PHACTR2: variants seen among roughly 807,000 people sequenced by gnomAD.
PHACTR2 encodes the protein chromosome 6 open reading frame 56.
In PHACTR2, 30 loss-of-function variants were observed where a neutral mutation model predicts 76.0. The ratio of observed to expected loss-of-function variants is 0.39; its 90% confidence interval spans 0.30 to 0.54. PHACTR2 has a LOEUF of 0.54. Ranked by LOEUF, PHACTR2 falls within the 20% of genes least tolerant of loss-of-function variation. PHACTR2 has a pLI of 0.61. For missense variants in PHACTR2, 696 were observed against 781.1 expected (o/e 0.89, Z 1.30); for synonymous variants, 292 against 292.5 (o/e 1.00, Z 0.02).
rs1776306490 is a variant in PHACTR2 at position 143,816,863 on chromosome 6, C to T, written c.1923-6811C>T. 6.6e-6 allele frequency among the ~76,000 whole-genome samples: 1 copy of T among 151,998 alleles called. No homozygotes were observed. The highest frequency in any genetic ancestry group is 1.5e-5 in the Non-Finnish European group (1 of 68,012). On this transcript the variant is annotated intron_variant, in intron 12 of 12. Transcript: ENST00000440869. The surrounding 1 kb of genome is among the most constrained non-coding windows in gnomAD (Gnocchi z 4.5). The stretch of plus-strand genomic sequence containing the variant: ...GGAGGATCGCTTGAGGCCAGGAGTT[C>T]AAGACCAGCCTGGTCAACATGGCAC...
At chr6:143,642,296 C>T (rs1012154041) in intron 1 of PHACTR2, among the ~76,000 whole-genome samples, 2 of 152,238 alleles carry the variant, frequency 1.3e-5, no homozygotes, top group East Asian at 1.9e-4. Context: ...TTGTCTGCAT[C>T]GCAAGCAGGC....
intron 1 of PHACTR2, among the ~76,000 whole-genome samples, chr6:143,643,634 A>G (rs1776604991): frequency 6.6e-6 from 1 of 152,252 alleles, no homozygotes; most frequent in African/African-American, 2.4e-5. Flanking sequence ...AGTGAACAGA[A>G]GTAAAACAAA....
chr6:143,537,877 C>A lies in PHACTR2; in HGVS notation c.217+670C>A, dbSNP rs9403501. Among the ~76,000 whole-genome samples the A allele has an allele frequency of 0.18, 27,780 of 152,108 alleles. 2,565 individuals are homozygous for A. The highest frequency in any genetic ancestry group is 0.21 in the Non-Finnish European group (14,123 of 67,936). Reference sequence around the variant, plus strand: ...TTCCAGAGCTTTGGGAGGCCCAAGGCCGGCCGATCACTTGAGGTCAAAAGT... The same window carrying A: ...TTCCAGAGCTTTGGGAGGCCCAAGGACGGCCGATCACTTGAGGTCAAAAGT... On this transcript the variant is annotated intron_variant, in intron 1 of 11. Transcript: ENST00000367584. The surrounding 1 kb of genome is among the most constrained non-coding windows in gnomAD (Gnocchi z 4.4).
At position 143,621,575 on chromosome 6, in the gene PHACTR2, A is replaced by T. The variant is rs1221802537; in HGVS notation, c.13+13253A>T. Among the ~76,000 whole-genome samples, 1 of 152,184 alleles carries T rather than the reference A, an allele frequency of 6.6e-6. No individual in the cohort carries two copies. Among genetic ancestry groups the T allele is most frequent in the Non-Finnish European group, 1.5e-5 (1 of 68,024 alleles). On this transcript the variant is annotated intron_variant, in intron 1 of 11. Transcript: ENST00000305766. This position sits in a 1 kb window ranked among gnomAD's most constrained non-coding sequence, Gnocchi z 4.1. ...GCTTTCTCAAATTGAACATACCCCA[A>T]CCCTTGAATAGTGTGGGATTGTGCA...
intron 2 of PHACTR2, among the ~76,000 whole-genome samples, chr6:143,718,347 G>T (rs1198214512): frequency 6.6e-6 from 1 of 152,192 alleles, no homozygotes; most frequent in African/African-American, 2.4e-5. Context: ...TACTGATGAG[G>T]AGACTGGGGC....
At position 143,613,070 on chromosome 6, in the gene PHACTR2, A is replaced by G. The variant is rs556774834; in HGVS notation, c.13+4748A>G. Among the ~76,000 whole-genome samples, 11 of 152,234 alleles carry G rather than the reference A, an allele frequency of 7.2e-5. No individual in the cohort carries two copies. In the East Asian group the frequency reaches 1.5e-3, roughly 21 times the overall value. ...CGGCTCACTGCAAGCTCCGCCTCCCAGGTTCACGCCATTCCCTGGCCTCAG... is the reference window on the plus strand; with the variant it reads ...CGGCTCACTGCAAGCTCCGCCTCCCGGGTTCACGCCATTCCCTGGCCTCAG... On this transcript the variant is annotated intron_variant, in intron 1 of 11. Transcript: ENST00000305766.
At chr6:143,704,107 G>GTGTC (rs1356666780) in intron 1 of PHACTR2, among the ~76,000 whole-genome samples, 1 of 151,570 alleles carries the variant, frequency 6.6e-6, no homozygotes, top group Non-Finnish European at 1.5e-5. Flanking sequence ...GTGTGTGTGT[G>GTGTC]TGTGTGTGTG....
intron 5 of PHACTR2, among the ~76,000 whole-genome samples, chr6:143,762,245 C>T (rs1038118251): frequency 2.0e-5 from 3 of 152,214 alleles, no homozygotes; most frequent in Non-Finnish European, 4.4e-5. Context: ...TCCCATTCTC[C>T]ACGTGGTAGT....
chr6:143,607,822 A>G (rs369917074), upstream of PHACTR2, among the ~76,000 whole-genome samples: 7 of 152,264 alleles, frequency 4.6e-5, no homozygotes, highest in Admixed American at 2.0e-4. Context: ...AGTGAGGTCA[A>G]TGATAAAGGC....
At chr6:143,575,059 T>C (rs1582680281) in intron 1 of PHACTR2, among the ~76,000 whole-genome samples, 1 of 152,344 alleles carries the variant, frequency 6.6e-6, no homozygotes, top group East Asian at 1.9e-4. Context: ...TGGAACATAA[T>C]TAAGAGATGA....
chr6:143,552,017 C>A (rs557393556), intron 1 of PHACTR2, among the ~76,000 whole-genome samples: 1 of 152,184 alleles, frequency 6.6e-6, no homozygotes, highest in African/African-American at 2.4e-5. Flanking sequence ...TAAACTTTAA[C>A]TTTTCATGTG....
intron 1 of PHACTR2, among the ~76,000 whole-genome samples, chr6:143,706,503 ACT>A (rs1778057411): frequency 6.6e-6 from 1 of 151,756 alleles, no homozygotes; most frequent in Non-Finnish European, 1.5e-5. Context: ...TTCTAGCTTT[ACT>A]CTCTCGCTTA....
At position 143,619,774 on chromosome 6, in the gene PHACTR2, A is replaced by G. The variant is rs1326223467; in HGVS notation, c.13+11452A>G. Among the ~76,000 whole-genome samples the G allele has an allele frequency of 1.3e-5, 2 of 152,224 alleles. No individual in the cohort carries two copies. Among genetic ancestry groups the G allele is most frequent in the Non-Finnish European group, 2.9e-5 (2 of 68,044 alleles). On this transcript the variant is annotated intron_variant, in intron 1 of 11. Coordinates refer to the PHACTR2 transcript ENST00000305766. This position sits in a 1 kb window ranked among gnomAD's most constrained non-coding sequence, Gnocchi z 4.5. ...TTTGGCAACCCTCCATTTTTAAAGC[A>G]GCTTGACTTGGGGCATTTTTAATAA...
At chr6:143,604,695 A>C (rs944533653), upstream of PHACTR2, among the ~76,000 whole-genome samples, 1 of 152,130 alleles carries the variant, frequency 6.6e-6, no homozygotes, top group Non-Finnish European at 1.5e-5. Flanking sequence ...CAGCCTGATC[A>C]ACATGGTGAA....
At chr6:143,729,383 C>T (rs1778652236) in intron 2 of PHACTR2, among the ~76,000 whole-genome samples, 1 of 152,078 alleles carries the variant, frequency 6.6e-6, no homozygotes, top group Non-Finnish European at 1.5e-5. Context: ...TAAAATAGAT[C>T]ATGCTTTTGG....
Position 143,617,295 on chromosome 6 carries a change from G to A in PHACTR2, c.13+8973G>A, listed in dbSNP as rs6937798. On this transcript the variant is annotated intron_variant, in intron 1 of 11. Coordinates refer to the PHACTR2 transcript ENST00000305766. The surrounding 1 kb of genome is among the most constrained non-coding windows in gnomAD (Gnocchi z 4.8). ...TCAACACCCAGTTTTGTACTTACTG[G>A]AAGTTCATCTGAGATTACTCTCCAG... Among the ~76,000 whole-genome samples, 41,562 of 152,030 alleles carry A rather than the reference G, an allele frequency of 0.27. 5,771 individuals carry two copies. Among genetic ancestry groups the A allele is most frequent in the Middle Eastern group, 0.35 (103 of 292 alleles).
In PHACTR2 at chr6:143,826,346, A is replaced by C. The variant is rs954950615; in HGVS notation, c.*2657A>C. ...TCCACCACCAGCGTTTCAGCAATCC[A>C]ACCAGTAAGCATATGCTGTATAGGA... On this transcript the variant is annotated 3_prime_UTR_variant, in exon 13 of 13. Transcript: ENST00000440869. 6.6e-6 allele frequency: 1 copy of C among 152,292 alleles called. No individual in the cohort carries two copies. Among genetic ancestry groups the C allele is most frequent in the Non-Finnish European group, 1.5e-5 (1 of 68,064 alleles). The allele number at this position is 152,292 out of a possible 1,614,324, so 9.4% of individuals were successfully genotyped here.
Position 143,652,377 on chromosome 6 carries a change from G to T in PHACTR2, c.13+44055G>T, listed in dbSNP as rs1248324605. Among the ~76,000 whole-genome samples the T allele has an allele frequency of 2.0e-5, 3 of 151,838 alleles. No individual in the cohort carries two copies. Among genetic ancestry groups the T allele is most frequent in the Non-Finnish European group, 2.9e-5 (2 of 67,958 alleles). On this transcript the variant is annotated intron_variant, in intron 1 of 11. Transcript: ENST00000305766. This position sits in a 1 kb window ranked among gnomAD's most constrained non-coding sequence, Gnocchi z 4.5. ...TGCCTGGCTGCATCAGCTAGACAAA[G>T]GTACCTGCGCTGCTGTTTGTTTGTT...
chr6:143,788,703 A>T, intron 10 of PHACTR2, 70 bp from the exon 11 acceptor site: 3 of 1,322,518 alleles, frequency 2.3e-6, no homozygotes. Flanking sequence ...AGTGTTCTCT[A>T]TAGAAAACTT....
Sources: gnomAD v4.1 joint callset for allele counts (sites outside exome capture counted in the v4.1 genomes callset) on GRCh38, gnomAD v4.1.1 for gene constraint, Gnocchi (gnomAD v3.1) non-coding constraint, MANE v1.5 for transcripts, NCBI Gene and HGNC (gene_info 2026-07-23, HGNC 2026-07-21) for gene names.